The following PVT1 variants were observed in gnomAD, a reference collection of about 807,000 sequenced individuals.
PVT1 encodes the protein CXCR4/PVT1 fusion.
chr8:128,010,373 C>T (rs1007761025), intron 4 of PVT1: 3 of 152,192 alleles, frequency 2.0e-5, no homozygotes, highest in African/African-American at 4.8e-5. Flanking sequence ...CAGAGTAATA[C>T]AGCAGCCAAC....
chr8:128,001,979 T>C (rs1817182552), intron 4 of PVT1, among the ~76,000 whole-genome samples: 2 of 152,136 alleles, frequency 1.3e-5, no homozygotes, highest in African/African-American at 2.4e-5. Flanking sequence ...ACTATGAACT[T>C]TGGGGAGACA....
intron 4 of PVT1, among the ~76,000 whole-genome samples, chr8:128,025,839 G>T (rs1404599364): frequency 1.3e-5 from 2 of 152,202 alleles, no homozygotes; most frequent in Non-Finnish European, 2.9e-5. Flanking sequence ...CCATTTTACA[G>T]GTGAGGCAAC....
At chr8:127,970,379 G>A (rs1248735389) in intron 3 of PVT1, among the ~76,000 whole-genome samples, 3 of 130,092 alleles carry the variant, frequency 2.3e-5, no homozygotes, top group African/African-American at 8.7e-5. Context: ...CTCACTGCAA[G>A]CTCTGCCTCC....
intron 4 of PVT1, among the ~76,000 whole-genome samples, chr8:127,990,070 A>G (rs1467055398): frequency 6.6e-6 from 1 of 152,190 alleles, no homozygotes; most frequent in South Asian, 2.1e-4. Context: ...CCTTCCATGT[A>G]TCAGGCTATT....
intron 2 of PVT1, among the ~76,000 whole-genome samples, chr8:127,886,296 G>T (rs954175705): frequency 6.6e-6 from 1 of 151,926 alleles, no homozygotes; most frequent in Non-Finnish European, 1.5e-5. Flanking sequence ...ACTTAGGTGT[G>T]ATTTAAAAAA....
chr8:128,049,061 T>C (rs887792027), intron 4 of PVT1: 2 of 476,484 alleles, frequency 4.2e-6, no homozygotes, highest in African/African-American at 2.0e-5. Flanking sequence ...CTTGGTAATA[T>C]TACCCAGCAA....
At chr8:127,826,311 G>T (rs980032885) in intron 2 of PVT1, among the ~76,000 whole-genome samples, 1 of 152,092 alleles carries the variant, frequency 6.6e-6, no homozygotes, top group East Asian at 1.9e-4. Context: ...AAGTGCTTCC[G>T]CTAGATTGCT....
intron 3 of PVT1, among the ~76,000 whole-genome samples, chr8:127,923,926 C>T (rs1816094786): frequency 6.6e-6 from 1 of 152,218 alleles, no homozygotes; most frequent in Non-Finnish European, 1.5e-5. Context: ...GAACATTAAA[C>T]AAACAGTGAC....
intron 3 of PVT1, among the ~76,000 whole-genome samples, chr8:127,975,930 C>T (rs1816818500): frequency 6.6e-6 from 1 of 152,222 alleles, no homozygotes; most frequent in Non-Finnish European, 1.5e-5. Context: ...GGAGGCTTCT[C>T]TAGCCCTGTT....
chr8:127,954,288 G>A (rs1162936250), intron 3 of PVT1, among the ~76,000 whole-genome samples: 2 of 139,424 alleles, frequency 1.4e-5, no homozygotes, highest in African/African-American at 2.7e-5. Flanking sequence ...GACTCAACAA[G>A]TACCCACTTT....
rs1336695983 is a variant in PVT1, at chr8:127,961,475, C to T, written n.783-27687C>T. On this transcript the variant is annotated intron_variant and non_coding_transcript_variant, in intron 3 of 10. Transcript: ENST00000651587. Reference sequence around the variant, plus strand: ...GTGCTGTGTGTTGTACTAGGAAATGCGGAGGTGATGGGGATTGTTTGGGCT... The same window carrying T: ...GTGCTGTGTGTTGTACTAGGAAATGTGGAGGTGATGGGGATTGTTTGGGCT... Among the ~76,000 whole-genome samples, 6 of 152,216 alleles carry T rather than the reference C, an allele frequency of 3.9e-5. No homozygotes were observed. In the South Asian group the frequency reaches 8.3e-4, roughly 21 times the overall value.
chr8:127,889,036 CTTTCTT>C (rs1563631151), intron 2 of PVT1, among the ~76,000 whole-genome samples: 2 of 22,332 alleles, frequency 9.0e-5, no homozygotes, highest in South Asian at 1.2e-3. Flanking sequence ...TTCTCTCTTT[CTTTCTT>C]CCTTCCTTCC....
chr8:127,802,391 T>C (rs534038366), intron 2 of PVT1, among the ~76,000 whole-genome samples: 3 of 152,222 alleles, frequency 2.0e-5, no homozygotes, highest in African/African-American at 4.8e-5. Flanking sequence ...TTTTTTTGTA[T>C]TTTTGGTAAA....
At chr8:127,954,690 C>G (rs1392537124) in intron 3 of PVT1, among the ~76,000 whole-genome samples, 1 of 152,072 alleles carries the variant, frequency 6.6e-6, no homozygotes, top group East Asian at 1.9e-4. Context: ...AAACTGAGGC[C>G]CAGGGAGTGG....
intron 5 of PVT1, among the ~76,000 whole-genome samples, chr8:128,094,984 C>T (rs1307431547): frequency 2.0e-5 from 3 of 152,204 alleles, no homozygotes; most frequent in Admixed American, 6.5e-5. Flanking sequence ...TGACCAGCCC[C>T]GGAGAGCAAC....
chr8:128,071,275 G>A (rs1813984980), intron 5 of PVT1, among the ~76,000 whole-genome samples: 1 of 152,202 alleles, frequency 6.6e-6, no homozygotes, highest in Admixed American at 6.5e-5. Flanking sequence ...GCCTGCTGAG[G>A]ACAGGTGCAG....
chr8:127,980,753 A>G (rs892375366), intron 3 of PVT1, among the ~76,000 whole-genome samples: 4 of 147,394 alleles, frequency 2.7e-5, no homozygotes, highest in Non-Finnish European at 6.0e-5. Context: ...GTGGAAAAAT[A>G]TATTTTCTCC....
chr8:128,056,941 A>G (rs1230420154), intron 4 of PVT1, among the ~76,000 whole-genome samples: 2 of 152,184 alleles, frequency 1.3e-5, no homozygotes, highest in East Asian at 3.8e-4. Flanking sequence ...CTTCATGCAC[A>G]ACCATGATCT....
At chr8:127,991,746 C>T (rs1276076372) in intron 4 of PVT1, among the ~76,000 whole-genome samples, 1 of 152,202 alleles carries the variant, frequency 6.6e-6, no homozygotes, top group Admixed American at 6.5e-5. Flanking sequence ...TGAGCATGGC[C>T]TCAGGCAGTC....
Sources: gnomAD v4.1 joint callset for allele counts (sites outside exome capture counted in the v4.1 genomes callset) on GRCh38, gnomAD v4.1.1 for gene constraint, MANE v1.5 for transcripts, NCBI Gene and HGNC (gene_info 2026-07-23, HGNC 2026-07-21) for gene names.